Variants in CDH13 observed in about 807,000 individuals in gnomAD.
CDH13 encodes cadherin-13.
Under a neutral mutation model 63.8 loss-of-function variants are expected in CDH13, and 24 were observed. The ratio of observed to expected loss-of-function variants is 0.38; its 90% CI spans 0.27 to 0.53. The LOEUF is 0.53. CDH13 is among the 20% of genes least tolerant of loss of function. The pLI is 0.85. For missense variants in CDH13, 1,049 were observed against 903.1 expected (o/e 1.16, Z -2.07); for synonymous variants, 503 against 355.3 (o/e 1.42, Z -4.67).
chr16:82,896,276 A>AGTTTTTTTT (rs2041253487), intron 2 of CDH13, among the ~76,000 whole-genome samples: 1 of 87,816 alleles, frequency 1.1e-5, no homozygotes, highest in African/African-American at 4.3e-5. Flanking sequence ...TAGGATTAGG[A>AGTTTTTTTT]TTTTTTTTTT....
chr16:83,423,147 T>C (rs2071766994), intron 6 of CDH13, among the ~76,000 whole-genome samples: 1 of 152,178 alleles, frequency 6.6e-6, no homozygotes, highest in East Asian at 1.9e-4. Context: ...TATGTAGAAA[T>C]AACCAGGGTC....
At chr16:83,403,421 A>C (rs1246159422) in intron 6 of CDH13, among the ~76,000 whole-genome samples, 1 of 152,240 alleles carries the variant, frequency 6.6e-6, no homozygotes, top group East Asian at 1.9e-4. Flanking sequence ...CAGGAGATCG[A>C]GAGCATCCTG....
chr16:83,341,160 A>G (rs1489339439), intron 5 of CDH13, among the ~76,000 whole-genome samples: 2 of 152,182 alleles, frequency 1.3e-5, no homozygotes, highest in Non-Finnish European at 2.9e-5. Flanking sequence ...TAGAACCCAA[A>G]CACAGCCACT....
At chr16:83,634,646 C>A (rs994096893) in intron 8 of CDH13, among the ~76,000 whole-genome samples, 1 of 152,116 alleles carries the variant, frequency 6.6e-6, no homozygotes, top group African/African-American at 2.4e-5. Context: ...GGTGATCCAC[C>A]TGCCTCGGCC....
chr16:83,575,408 A>G (rs967954943), intron 7 of CDH13, among the ~76,000 whole-genome samples: 3 of 152,198 alleles, frequency 2.0e-5, no homozygotes, highest in African/African-American at 7.2e-5. Context: ...CGCCTGGTTA[A>G]ATCACCACCG....
At chr16:83,498,625 G>C (rs770046686) in intron 7 of CDH13, among the ~76,000 whole-genome samples, 3 of 152,114 alleles carry the variant, frequency 2.0e-5, no homozygotes, top group Non-Finnish European at 4.4e-5. Context: ...TACAGAGATA[G>C]AGACCTCAAT....
intron 3 of CDH13, among the ~76,000 whole-genome samples, chr16:83,044,332 T>C: frequency 6.6e-6 from 1 of 152,218 alleles, no homozygotes; most frequent in Non-Finnish European, 1.5e-5. Context: ...TTTTCTATTT[T>C]TCAGTAAATT....
At chr16:83,794,228 T>C (rs1916456408) in intron 13 of CDH13, among the ~76,000 whole-genome samples, 1 of 152,164 alleles carries the variant, frequency 6.6e-6, no homozygotes, top group Non-Finnish European at 1.5e-5. Context: ...TGGCCATTTG[T>C]TACAGGAGCA....
At chr16:83,561,486 C>T (rs2150688586) in intron 7 of CDH13, among the ~76,000 whole-genome samples, 1 of 151,192 alleles carries the variant, frequency 6.6e-6, no homozygotes, top group Non-Finnish European at 1.5e-5. Flanking sequence ...GTATATTTTC[C>T]TCCTCTTCTG....
intron 3 of CDH13, among the ~76,000 whole-genome samples, chr16:83,107,206 G>A (rs1418886842): frequency 6.6e-6 from 1 of 152,138 alleles, no homozygotes; most frequent in African/African-American, 2.4e-5. Flanking sequence ...ACTGCAGGGG[G>A]TTGGCCAGGC....
intron 8 of CDH13, among the ~76,000 whole-genome samples, chr16:83,608,090 A>C (rs946023140): frequency 1.3e-5 from 2 of 152,198 alleles, no homozygotes; most frequent in African/African-American, 4.8e-5. Context: ...AAAATTTCAA[A>C]TTTCATTTTC....
At chr16:83,596,072 T>C (rs1158968024) in intron 7 of CDH13, among the ~76,000 whole-genome samples, 1 of 152,204 alleles carries the variant, frequency 6.6e-6, no homozygotes, top group Non-Finnish European at 1.5e-5. Flanking sequence ...CCTCTGAGCC[T>C]TGAACCAAAG....
intron 3 of CDH13, among the ~76,000 whole-genome samples, chr16:83,094,632 C>A (rs9934641): frequency 1.3e-5 from 2 of 151,944 alleles, no homozygotes; most frequent in Non-Finnish European, 1.5e-5. Context: ...TCCAACTTCC[C>A]AGTGGCTGAA....
chr16:83,221,711 G>A (rs1394352224), intron 5 of CDH13, among the ~76,000 whole-genome samples: 1 of 152,058 alleles, frequency 6.6e-6, no homozygotes, highest in Non-Finnish European at 1.5e-5. Flanking sequence ...AAAACAGGAA[G>A]CATGGCCAAG....
intron 3 of CDH13, among the ~76,000 whole-genome samples, chr16:83,049,431 T>C (rs1327275566): frequency 6.8e-6 from 1 of 147,836 alleles, no homozygotes; most frequent in Non-Finnish European, 1.5e-5. Flanking sequence ...ACCTCCTGGG[T>C]TCAGGCCATT....
At chr16:83,312,968 C>T (rs540404740) in intron 5 of CDH13, among the ~76,000 whole-genome samples, 1 of 152,278 alleles carries the variant, frequency 6.6e-6, no homozygotes, top group East Asian at 1.9e-4. Context: ...TAAGTTTTCC[C>T]AGTGCTTGCA....
chr16:83,203,661 CAA>C (rs61444893), intron 4 of CDH13, among the ~76,000 whole-genome samples: 3,942 of 84,052 alleles, frequency 0.047, 64 homozygotes, highest in Middle Eastern at 0.15. Context: ...GACTCCATCT[CAA>C]AAAAAAAAAA....
chr16:83,508,110 A>AGGAAGGAAGG (rs1476708476), intron 7 of CDH13, among the ~76,000 whole-genome samples: 11 of 42,506 alleles, frequency 2.6e-4, no homozygotes, highest in Non-Finnish European at 3.6e-4. Flanking sequence ...GAAGGAAGGA[A>AGGAAGGAAGG]AAGGAAGGAA....
At chr16:83,645,385 AG>A (rs1911693537) in intron 8 of CDH13, among the ~76,000 whole-genome samples, 1 of 152,298 alleles carries the variant, frequency 6.6e-6, no homozygotes, top group East Asian at 1.9e-4. Context: ...ATAGACAGTG[AG>A]GACTCCAAAT....
Sources: gnomAD v4.1 joint callset for allele counts (sites outside exome capture counted in the v4.1 genomes callset) on GRCh38, gnomAD v4.1.1 for gene constraint, MANE v1.5 for transcripts, NCBI Gene and HGNC (gene_info 2026-07-23, HGNC 2026-07-21) for gene names.